MME: variants seen among roughly 807,000 people sequenced by gnomAD.
MME encodes neprilysin.
In MME, 98 loss-of-function variants were observed where a neutral mutation model predicts 113.2. That is an observed-to-expected ratio of 0.87 (90% CI 0.74 to 1.02). The LOEUF is 1.02. Ranked by LOEUF, MME falls within the 50% of genes least tolerant of loss-of-function variation. The pLI, the probability that MME is intolerant of heterozygous loss-of-function variation, is 0.00. For synonymous variants in MME, 292 were observed against 300.6 expected (o/e 0.97, Z 0.30); for missense variants, 836 against 896.0 (o/e 0.93, Z 0.86).
intron 22 of MME, among the ~76,000 whole-genome samples, chr3:155,178,122 C>T (rs886803326): frequency 2.0e-5 from 3 of 152,114 alleles, no homozygotes; most frequent in Non-Finnish European, 4.4e-5. Flanking sequence ...TTGGGAAGGC[C>T]AATCATCTCC....
At chr3:155,132,268 C>T (rs968605251) in intron 8 of MME, among the ~76,000 whole-genome samples, 1 of 152,148 alleles carries the variant, frequency 6.6e-6, no homozygotes, top group Admixed American at 6.6e-5. Context: ...TCCTCTTTGG[C>T]AAATCTAACA....
At chr3:155,125,150 C>T (rs1376109796) in intron 8 of MME, among the ~76,000 whole-genome samples, 2 of 147,010 alleles carry the variant, frequency 1.4e-5, no homozygotes, top group East Asian at 2.1e-4. Context: ...GTCTGAAAAG[C>T]GCAATATTCG....
intron 16 of MME, among the ~76,000 whole-genome samples, chr3:155,150,335 G>A (rs1156674413): frequency 6.6e-6 from 1 of 151,982 alleles, no homozygotes; most frequent in Non-Finnish European, 1.5e-5. Context: ...CATCATATGG[G>A]CTGATTTTCT....
At chr3:155,087,649 T>A (rs1464997864) in intron 3 of MME, among the ~76,000 whole-genome samples, 1 of 152,222 alleles carries the variant, frequency 6.6e-6, no homozygotes, top group Non-Finnish European at 1.5e-5. Flanking sequence ...TTTAATACAC[T>A]TGACATGTCT....
chr3:155,031,753 G>A (rs547619615), intron 1 of MME, among the ~76,000 whole-genome samples: 2 of 152,296 alleles, frequency 1.3e-5, no homozygotes, highest in South Asian at 4.1e-4. Flanking sequence ...TGCCTCCCGG[G>A]TTCAAGTGAT....
At chr3:155,029,841 CAATT>C (rs1712908129) in intron 1 of MME, among the ~76,000 whole-genome samples, 1 of 151,906 alleles carries the variant, frequency 6.6e-6, no homozygotes, top group Admixed American at 6.6e-5. Context: ...TCCTCTAAGC[CAATT>C]AATTAAAGTT....
At chr3:155,101,139 G>A (rs928013560) in intron 3 of MME, among the ~76,000 whole-genome samples, 2 of 151,944 alleles carry the variant, frequency 1.3e-5, no homozygotes, top group African/African-American at 2.4e-5. Flanking sequence ...CCTCCTTCAC[G>A]TTCTCTCATA....
chr3:155,161,032 C>T (rs1269731656), intron 17 of MME, among the ~76,000 whole-genome samples: 1 of 151,968 alleles, frequency 6.6e-6, no homozygotes, highest in Admixed American at 6.6e-5. Flanking sequence ...TTCGTAAGTT[C>T]GCTTATAGTA....
At chr3:155,034,649 G>T (rs1455552321) in intron 1 of MME, among the ~76,000 whole-genome samples, 4 of 151,824 alleles carry the variant, frequency 2.6e-5, no homozygotes, top group Admixed American at 1.3e-4. Context: ...GGAAAACTGG[G>T]TGTTTCATTT....
rs114834895 is a variant in MME at position 155,126,658 on chromosome 3, A to G, written c.720+7847A>G. Among the ~76,000 whole-genome samples the G allele has an allele frequency of 3.5e-3, 528 of 152,290 alleles. 2 individuals carry two copies. The highest frequency in any genetic ancestry group is 0.012 in the African/African-American group (488 of 41,580). On this transcript the variant is annotated intron_variant, in intron 8 of 22. Coordinates refer to ENST00000360490, the MANE Select transcript of MME (RefSeq NM_007289.4). ...ATTTGAGCCCCTAGCTTGCATTCTTATATGGCAGCAATTGACCAGAGTGGT... is the reference window on the plus strand; with the variant it reads ...ATTTGAGCCCCTAGCTTGCATTCTTGTATGGCAGCAATTGACCAGAGTGGT...
intron 3 of MME, among the ~76,000 whole-genome samples, chr3:155,092,157 T>C (rs749573878): frequency 2.0e-5 from 3 of 151,858 alleles, no homozygotes; most frequent in Non-Finnish European, 4.4e-5. Flanking sequence ...GTGTGGATCT[T>C]CTCTACTCAG....
At chr3:155,053,784 C>CT (rs1713839806) in intron 1 of MME, among the ~76,000 whole-genome samples, 1 of 152,188 alleles carries the variant, frequency 6.6e-6, no homozygotes, top group Non-Finnish European at 1.5e-5. Context: ...AAGAATTACT[C>CT]TGAGGGCAGA....
At chr3:155,032,512 T>C (rs1713003278) in intron 1 of MME, among the ~76,000 whole-genome samples, 1 of 152,236 alleles carries the variant, frequency 6.6e-6, no homozygotes. Flanking sequence ...TCCAACTCCA[T>C]TGACTGTGAA....
chr3:155,126,399 C>A (rs1317197673), intron 8 of MME, among the ~76,000 whole-genome samples: 1 of 130,272 alleles, frequency 7.7e-6, no homozygotes, highest in Non-Finnish European at 1.6e-5. Context: ...ATATTTAAGG[C>A]AGTAAAAGCT....
At chr3:155,079,635 G>C (rs1043458509), upstream of MME, 8 of 139,382 alleles carry the variant, frequency 5.7e-5, no homozygotes, top group South Asian at 2.8e-4. Context: ...GGGGGTGGGG[G>C]GGGTGGGCCG....
At chr3:155,168,668 A>G in intron 19 of MME, 43 bp downstream of exon 19, 1 of 1,613,292 alleles carries the variant, frequency 6.2e-7, no homozygotes, top group South Asian at 1.1e-5. Flanking sequence ...GACATGTTCA[A>G]TCTTAAGTGT....
At chr3:155,044,125 C>CTTTTTTT (rs5853709) in intron 1 of MME, among the ~76,000 whole-genome samples, 2,152 of 88,828 alleles carry the variant, frequency 0.024, 4 homozygotes, top group East Asian at 0.036. Context: ...CTTCCTTTTT[C>CTTTTTTT]TTTTTTTTTT....
chr3:155,051,701 C>T (rs762400723), intron 1 of MME, among the ~76,000 whole-genome samples: 7 of 152,138 alleles, frequency 4.6e-5, no homozygotes, highest in Middle Eastern at 6.3e-3. Context: ...ATTATGGGAA[C>T]TACAATTCAA....
rs1298351369 is a variant in MME, at chr3:155,142,026, G to T, written c.993G>T (p.Met331Ile). 1 of 1,613,562 alleles carries T rather than the reference G, an allele frequency of 6.2e-7. No homozygotes were observed. Among genetic ancestry groups the T allele is most frequent in the Admixed American group, 1.7e-5 (1 of 59,960 alleles). The change falls in exon 11 of 23, where the codon ATG (methionine) becomes ATT (isoleucine). Residue 331 changes from methionine (M) to isoleucine (I), a missense_variant. Coordinates refer to ENST00000360490, the MANE Select transcript of MME (RefSeq NM_007289.4). ...FSWLNFTNEI[M>I]STVNISITNE... is the part of the protein sequence containing the mutation. Reference sequence around the variant, plus strand: ...GGTTGAATTTCACAAATGAAATCATGTCAACTGTGAATATTAGTATTACAA... The same window carrying T: ...GGTTGAATTTCACAAATGAAATCATTTCAACTGTGAATATTAGTATTACAA...
Sources: gnomAD v4.1 joint callset for allele counts (sites outside exome capture counted in the v4.1 genomes callset) on GRCh38, gnomAD v4.1.1 for gene constraint, MANE v1.5 for transcripts, NCBI Gene and HGNC (gene_info 2026-07-23, HGNC 2026-07-21) for gene names.